The following DLG2 variants were observed in gnomAD, a reference collection of about 807,000 sequenced individuals.
DLG2 encodes the protein discs large MAGUK scaffold protein 2.
A neutral mutation model predicts 132.5 loss-of-function variants in DLG2; 45 were observed. The ratio of observed to expected loss-of-function variants is 0.34; its 90% CI spans 0.27 to 0.44. DLG2 has a LOEUF of 0.44. DLG2 is among the 20% of genes least tolerant of loss of function. The pLI, the probability that DLG2 is intolerant of heterozygous loss-of-function variation, is 1.00. For missense variants in DLG2, 1,045 were observed against 1,196.9 expected, an observed-to-expected ratio of 0.87 and a Z score of 1.87; for synonymous variants, 424 against 419.6, an observed-to-expected ratio of 1.01 and a Z score of -0.13.
intron 9 of DLG2, among the ~76,000 whole-genome samples, chr11:84,102,896 T>C (rs2092645200): frequency 6.6e-6 from 1 of 152,148 alleles, no homozygotes; most frequent in South Asian, 2.1e-4. Flanking sequence ...GACTACAATA[T>C]GGAGAAAACT....
At chr11:83,567,896 T>C (rs2096735065) in intron 19 of DLG2, among the ~76,000 whole-genome samples, 1 of 152,078 alleles carries the variant, frequency 6.6e-6, no homozygotes, top group Admixed American at 6.6e-5. Context: ...ACTGAAGAAT[T>C]GAAGAGAAGC....
intron 19 of DLG2, among the ~76,000 whole-genome samples, chr11:83,580,896 T>TTCCCCTCCCC (rs61595358): frequency 1.8e-5 from 2 of 112,076 alleles, no homozygotes; most frequent in African/African-American, 7.1e-5. Flanking sequence ...CTCCCCTCCC[T>TTCCCCTCCCC]TCCCCTCCCC....
chr11:84,277,918 A>T (rs374406976), intron 7 of DLG2, among the ~76,000 whole-genome samples: 3 of 152,046 alleles, frequency 2.0e-5, no homozygotes, highest in East Asian at 1.9e-4. Context: ...ATGTAGGTAT[A>T]TATTTATTTA....
intron 6 of DLG2, among the ~76,000 whole-genome samples, chr11:84,566,872 A>AAGAGG (rs2099458457): frequency 6.6e-6 from 1 of 152,210 alleles, no homozygotes; most frequent in Non-Finnish European, 1.5e-5. Context: ...CTGCAGAATG[A>AAGAGG]AGAGGGTCAG....
intron 6 of DLG2, among the ~76,000 whole-genome samples, chr11:84,907,589 A>G (rs1276434957): frequency 6.6e-6 from 1 of 152,198 alleles, no homozygotes; most frequent in Admixed American, 6.5e-5. Flanking sequence ...TAAAGAAGGA[A>G]GAATAGAAAT....
intron 3 of DLG2, among the ~76,000 whole-genome samples, chr11:85,308,578 T>TCA (rs1253958858): frequency 5.9e-5 from 9 of 152,184 alleles, no homozygotes; most frequent in Non-Finnish European, 1.2e-4. Context: ...CGAATCCTGG[T>TCA]CAAACTTCCT....
intron 17 of DLG2, among the ~76,000 whole-genome samples, chr11:83,833,127 C>T (rs991744581): frequency 3.9e-5 from 6 of 152,164 alleles, no homozygotes; most frequent in Admixed American, 3.3e-4. Flanking sequence ...GCATCAAGGA[C>T]CTGAACACCA....
chr11:84,102,283 GA>G (rs1455221177), intron 9 of DLG2, among the ~76,000 whole-genome samples: 1 of 152,088 alleles, frequency 6.6e-6, no homozygotes, highest in African/African-American at 2.4e-5. Flanking sequence ...TAGAAGGCAG[GA>G]ACTGTGTAGT....
intron 6 of DLG2, among the ~76,000 whole-genome samples, chr11:84,564,208 G>C (rs958433054): frequency 6.6e-6 from 1 of 152,140 alleles, no homozygotes; most frequent in Non-Finnish European, 1.5e-5. Flanking sequence ...AGTATTATTG[G>C]GGGTTTTTAT....
chr11:85,344,325 CAT>C (rs1352969796), intron 3 of DLG2, among the ~76,000 whole-genome samples: 2 of 152,100 alleles, frequency 1.3e-5, no homozygotes, highest in Non-Finnish European at 2.9e-5. Context: ...TCAGGTGACT[CAT>C]AGAGATTGTC....
At chr11:84,040,358 A>G (rs1330076485) in intron 11 of DLG2, among the ~76,000 whole-genome samples, 4 of 152,042 alleles carry the variant, frequency 2.6e-5, no homozygotes, top group Non-Finnish European at 5.9e-5. Context: ...TTTTAGGTCT[A>G]ACGTTTAAGT....
chr11:85,272,534 T>C (rs183576304), intron 4 of DLG2, among the ~76,000 whole-genome samples: 1 of 152,146 alleles, frequency 6.6e-6, no homozygotes, highest in African/African-American at 2.4e-5. Flanking sequence ...CAACTGATTG[T>C]ATAGGTCCAC....
At chr11:84,265,097 A>C (rs2097599795) in intron 7 of DLG2, among the ~76,000 whole-genome samples, 1 of 152,204 alleles carries the variant, frequency 6.6e-6, no homozygotes, top group African/African-American at 2.4e-5. Context: ...TTAGCTAATT[A>C]ATTTAATCTC....
intron 18 of DLG2, among the ~76,000 whole-genome samples, chr11:83,773,690 T>A (rs1253172859): frequency 6.6e-6 from 1 of 152,236 alleles, no homozygotes; most frequent in East Asian, 1.9e-4. Context: ...GGGATGAATT[T>A]ACTTTGTTAC....
chr11:85,212,887 T>C (rs2082338656), intron 4 of DLG2, among the ~76,000 whole-genome samples: 1 of 152,132 alleles, frequency 6.6e-6, no homozygotes, highest in Non-Finnish European at 1.5e-5. Context: ...CTCTATGTCT[T>C]TAAGGCATGA....
chr11:85,150,427 G>T (rs2077163873), intron 5 of DLG2, among the ~76,000 whole-genome samples: 1 of 151,976 alleles, frequency 6.6e-6, no homozygotes. Flanking sequence ...ATATTACATT[G>T]CTGTGAAACA....
rs573875301 is a variant in DLG2 at position 84,841,087 on chromosome 11, C to A, written c.357+270574G>T. ...ACACTATGCAGCAATAAAAAGAGTG[C>A]AGTAAAAATGATCACATAAGAATGA... is the stretch of plus-strand genomic sequence containing the variant. On this transcript the variant is annotated intron_variant, in intron 6 of 27. Coordinates refer to ENST00000376104, the MANE Select transcript of DLG2 (RefSeq NM_001142699.3). 2.4e-4 allele frequency among the ~76,000 whole-genome samples: 36 copies of A among 150,910 alleles called. No homozygotes were observed. In the South Asian group the frequency reaches 3.5e-3, roughly 15 times the overall value.
chr11:84,243,035 A>ATATG (rs1296890119), intron 8 of DLG2, among the ~76,000 whole-genome samples: 6 of 144,354 alleles, frequency 4.2e-5, no homozygotes, highest in Non-Finnish European at 7.5e-5. Context: ...ATATATATAT[A>ATATG]TATACACTCT....
intron 6 of DLG2, among the ~76,000 whole-genome samples, chr11:84,896,493 A>G (rs1425407154): frequency 1.3e-5 from 2 of 152,100 alleles, no homozygotes; most frequent in Non-Finnish European, 2.9e-5. Context: ...TTTAACAAGT[A>G]TTTACTGAGT....
Sources: allele counts gnomAD v4.1 joint callset (sites outside exome capture counted in the v4.1 genomes callset), GRCh38; gene constraint gnomAD v4.1.1; transcripts MANE v1.5; gene names NCBI Gene and HGNC (gene_info 2026-07-23, HGNC 2026-07-21).